Variants in CTBP2 observed in about 807,000 individuals in gnomAD.
CTBP2 encodes the protein C-terminal-binding protein 2.
Under a neutral mutation model 80.3 loss-of-function variants are expected in CTBP2, and 30 were observed. The observed-to-expected ratio is 0.37, with a 90% CI of 0.28 to 0.51. The LOEUF is 0.51. CTBP2 is among the 20% of genes least tolerant of loss of function. The probability of loss-of-function intolerance (pLI) is 0.93; values close to 1 mark genes in which losing one functional copy is unlikely to be tolerated. For synonymous variants in CTBP2, 594 were observed against 587.4 expected (o/e 1.01, Z -0.16); for missense variants, 1,212 against 1,375.3 (o/e 0.88, Z 1.88).
At chr10:125,018,438 C>T (rs927505260) in intron 1 of CTBP2, among the ~76,000 whole-genome samples, 3 of 151,940 alleles carry the variant, frequency 2.0e-5, no homozygotes, top group Non-Finnish European at 4.4e-5. Flanking sequence ...TGCAGTGAGC[C>T]GAGATTGTTC....
chr10:125,051,110 T>C (rs550787845), intron 2 of CTBP2, among the ~76,000 whole-genome samples: 32 of 152,304 alleles, frequency 2.1e-4, no homozygotes, highest in Admixed American at 5.2e-4. Flanking sequence ...TTTATGGGGA[T>C]ATTGTGCATG....
At position 125,154,498 on chromosome 10, in the gene CTBP2, A is replaced by T. The variant is rs369999563; in HGVS notation, c.-206+5821T>A. ...CATAAGATCCCAACCATTTCATCAC[A>T]ATTTTTGTGAATATTAAGCCAACTC... On this transcript the variant is annotated intron_variant, in intron 1 of 10. Coordinates refer to the CTBP2 transcript ENST00000337195. Among the ~76,000 whole-genome samples the T allele has an allele frequency of 1.1e-4, 16 of 152,350 alleles. No individual in the cohort carries two copies. The East Asian group carries it at 1.9e-3, about 18-fold the overall frequency.
At chr10:125,148,505 A>T (rs918161053) in intron 1 of CTBP2, among the ~76,000 whole-genome samples, 3 of 152,210 alleles carry the variant, frequency 2.0e-5, no homozygotes, top group Non-Finnish European at 2.9e-5. Flanking sequence ...TTGCTGAGAA[A>T]TATTTTAAAA....
chr10:125,138,679 A>C (rs1014370081), intron 1 of CTBP2, among the ~76,000 whole-genome samples: 2 of 152,100 alleles, frequency 1.3e-5, no homozygotes, highest in Admixed American at 6.5e-5. Flanking sequence ...AAAAAAAAAA[A>C]AAAACAGACC....
At chr10:125,101,183 G>A (rs1030609366) in intron 2 of CTBP2, among the ~76,000 whole-genome samples, 2 of 152,180 alleles carry the variant, frequency 1.3e-5, no homozygotes, top group African/African-American at 4.8e-5. Context: ...TAAAATGCAG[G>A]AGTCCAGACC....
At chr10:125,048,774 C>T (rs1174332872) in intron 2 of CTBP2, among the ~76,000 whole-genome samples, 1 of 152,118 alleles carries the variant, frequency 6.6e-6, no homozygotes, top group African/African-American at 2.4e-5. Flanking sequence ...GGGGAGGGGC[C>T]GGCTGGGCTG....
chr10:125,155,987 C>A (rs1860851235), intron 1 of CTBP2, among the ~76,000 whole-genome samples: 1 of 152,204 alleles, frequency 6.6e-6, no homozygotes. Context: ...CCTAGCAATT[C>A]ATAGAAAGAT....
chr10:125,129,696 G>A (rs1855835044), intron 1 of CTBP2, among the ~76,000 whole-genome samples: 1 of 152,156 alleles, frequency 6.6e-6, no homozygotes, highest in African/African-American at 2.4e-5. Context: ...CCTCAGCTGG[G>A]AACATTTTAT....
At position 125,026,493 on chromosome 10, in the gene CTBP2, C is replaced by G. The variant is rs1184890310; in HGVS notation, c.1267G>C (p.Ala423Pro). Residue 423 changes from alanine (A) to proline (P), a missense_variant, in exon 1 of 9, where the codon GCC (alanine) becomes CCC (proline). Physicochemically the swap from Ala to Pro is conservative, Grantham distance 27. Transcript: ENST00000309035. ...GGGGCATGGGTGCCCACGCCAGGGG[C>G]AGAATAGGTGGCTGCCGTCTCCAGG... 4 of 1,602,372 alleles carry G rather than the reference C, an allele frequency of 2.5e-6. No individual in the cohort carries two copies. In the South Asian group the frequency reaches 4.4e-5, roughly 18 times the overall value.
chr10:125,152,027 G>C (rs938737447), intron 1 of CTBP2, among the ~76,000 whole-genome samples: 5 of 152,160 alleles, frequency 3.3e-5, no homozygotes, highest in Non-Finnish European at 5.9e-5. Context: ...GGGCCCGGGG[G>C]TGTCAGATAC....
intron 2 of CTBP2, among the ~76,000 whole-genome samples, chr10:125,050,159 G>T (rs923647806): frequency 6.6e-6 from 1 of 152,160 alleles, no homozygotes; most frequent in Non-Finnish European, 1.5e-5. Context: ...TCTATGCCTG[G>T]GTCCTTACAA....
chr10:125,106,934 A>G (rs1018491520), intron 2 of CTBP2, among the ~76,000 whole-genome samples: 3 of 152,248 alleles, frequency 2.0e-5, no homozygotes, highest in African/African-American at 7.2e-5. Context: ...ATGCTAAAGC[A>G]AAAAGAAGGG....
At chr10:125,036,668 GGTGTGTGTGTGTGTGTGTGTGTGTGT>G (rs59284647) in intron 3 of CTBP2, among the ~76,000 whole-genome samples, 3 of 119,284 alleles carry the variant, frequency 2.5e-5, no homozygotes, top group African/African-American at 3.8e-5. Context: ...AGCTAGAGGG[GGTGTGTGTGTGTGTGTGTGTGTGTGT>G]GTGTGTGTGT....
chr10:125,092,552 T>C (rs965337673), intron 2 of CTBP2, among the ~76,000 whole-genome samples: 6 of 152,168 alleles, frequency 3.9e-5, no homozygotes, highest in African/African-American at 1.4e-4. Context: ...CTAACCTTCT[T>C]CCCACCCGCC....
chr10:125,088,944 G>C (rs569372234), intron 2 of CTBP2, among the ~76,000 whole-genome samples: 107 of 152,246 alleles, frequency 7.0e-4, no homozygotes, highest in African/African-American at 2.5e-3. Context: ...ATACCAAACA[G>C]AACCATTTCA....
At chr10:125,039,786 C>T (rs935556383) in intron 2 of CTBP2, among the ~76,000 whole-genome samples, 6 of 152,232 alleles carry the variant, frequency 3.9e-5, no homozygotes, top group African/African-American at 1.4e-4. Flanking sequence ...GGACCGCAGT[C>T]AGCACCAGCA....
At chr10:125,074,197 G>C (rs988154181) in intron 2 of CTBP2, among the ~76,000 whole-genome samples, 1 of 152,112 alleles carries the variant, frequency 6.6e-6, no homozygotes. Flanking sequence ...GCAGCTACAT[G>C]AAGGTCTCAG....
chr10:125,159,104 G>A (rs1412514737), intron 1 of CTBP2, among the ~76,000 whole-genome samples: 1 of 151,094 alleles, frequency 6.6e-6, no homozygotes, highest in Non-Finnish European at 1.5e-5. Context: ...TGGGGGCAGC[G>A]CGAGGGAGAG....
chr10:125,145,046 T>C (rs1858497991), intron 1 of CTBP2, among the ~76,000 whole-genome samples: 1 of 152,228 alleles, frequency 6.6e-6, no homozygotes, highest in African/African-American at 2.4e-5. Flanking sequence ...AGAATGAGGA[T>C]GAGTACAGCA....
Sources: allele counts gnomAD v4.1 joint callset (sites outside exome capture counted in the v4.1 genomes callset), GRCh38; gene constraint gnomAD v4.1.1; transcripts MANE v1.5; gene names NCBI Gene and HGNC (gene_info 2026-07-23, HGNC 2026-07-21).